The following ACCSL variants were observed in gnomAD, a reference collection of about 807,000 sequenced individuals.
The protein encoded by ACCSL is 1-aminocyclopropane-1-carboxylate synthase homolog (inactive) like.
Under a neutral mutation model 61.7 loss-of-function variants are expected in ACCSL, and 55 were observed. That is an observed-to-expected ratio of 0.89 (90% CI 0.72 to 1.12). The LOEUF is 1.12. ACCSL is among the 50% of genes most tolerant of loss of function. ACCSL has a pLI of 0.00. For missense variants in ACCSL, 632 were observed against 698.0 expected (o/e 0.91, Z 1.07); for synonymous variants, 258 against 264.3 (o/e 0.98, Z 0.23).
chr11:44,005,990 G>T, the ACCSL span, among the ~76,000 whole-genome samples: 2 of 152,212 alleles, frequency 1.3e-5, no homozygotes, highest in African/African-American at 4.8e-5. Context: ...TTTGCAGGGT[G>T]TGTTCCCCAC....
the ACCSL span, among the ~76,000 whole-genome samples, chr11:43,921,739 A>G: frequency 6.6e-6 from 1 of 152,192 alleles, no homozygotes; most frequent in East Asian, 1.9e-4. Context: ...CATGTCTTCC[A>G]GGGAAACATT....
chr11:43,982,641 G>A, the ACCSL span, among the ~76,000 whole-genome samples: 12 of 152,262 alleles, frequency 7.9e-5, no homozygotes, highest in Non-Finnish European at 1.8e-4. Context: ...CGAGTCCCTG[G>A]CACTCTGACC....
chr11:44,017,328 G>T, the ACCSL span, among the ~76,000 whole-genome samples: 22 of 152,200 alleles, frequency 1.4e-4, no homozygotes, highest in Non-Finnish European at 2.9e-5. Flanking sequence ...ACATACAGCT[G>T]TGTAGGTTGT....
At position 44,055,735 on chromosome 11, in the gene ACCSL, T is replaced by C. The variant is rs564801857; in HGVS notation, c.1140-305T>C. On this transcript the variant is annotated intron_variant, in intron 9 of 13. Coordinates refer to ENST00000378832, the MANE Select transcript of ACCSL (RefSeq NM_001031854.2). Reference sequence around the variant, plus strand: ...ATACTCGGGCACGTTCTAGAAATTATGGTGACCCACATCTGAAGAGCCAAC... The same window carrying C: ...ATACTCGGGCACGTTCTAGAAATTACGGTGACCCACATCTGAAGAGCCAAC... 4.6e-5 allele frequency among the ~76,000 whole-genome samples: 7 copies of C among 152,378 alleles called. 1 individual carries two copies. Among genetic ancestry groups the C allele is most frequent in the African/African-American group, 1.7e-4 (7 of 41,598 alleles).
upstream of ACCSL, among the ~76,000 whole-genome samples, chr11:44,044,298 C>T (rs1952587974): frequency 6.6e-6 from 1 of 152,076 alleles, no homozygotes; most frequent in African/African-American, 2.4e-5. Context: ...ATGTGAGACC[C>T]TAGAAGGTAC....
the ACCSL span, among the ~76,000 whole-genome samples, chr11:44,034,583 A>T: frequency 6.6e-6 from 1 of 151,964 alleles, no homozygotes; most frequent in Non-Finnish European, 1.5e-5. Flanking sequence ...GAGAGCTTGT[A>T]CAGGGAAATT....
chr11:43,953,443 C>A, the ACCSL span, among the ~76,000 whole-genome samples: 3 of 151,006 alleles, frequency 2.0e-5, no homozygotes, highest in Non-Finnish European at 4.4e-5. Context: ...ATTGCTTGAA[C>A]CCAGGAGGCG....
At chr11:43,950,674 G>A in the ACCSL span, among the ~76,000 whole-genome samples, 1 of 152,204 alleles carries the variant, frequency 6.6e-6, no homozygotes, top group Non-Finnish European at 1.5e-5. Flanking sequence ...ACAACCCAGC[G>A]GGATGATCAA....
chr11:44,051,613 G>A, intron 4 of ACCSL, 40 bp from the exon 5 acceptor site: 1 of 1,611,868 alleles, frequency 6.2e-7, no homozygotes, highest in South Asian at 1.1e-5. Flanking sequence ...TCTCACATAG[G>A]TATTGGTTTT....
At chr11:44,027,027 C>T in the ACCSL span, among the ~76,000 whole-genome samples, 776 of 152,282 alleles carry the variant, frequency 5.1e-3, 6 homozygotes, top group African/African-American at 0.018. Flanking sequence ...CGCACCCAGC[C>T]GACTAATTCT....
the ACCSL span, among the ~76,000 whole-genome samples, chr11:43,925,895 C>T: frequency 6.6e-6 from 1 of 152,156 alleles, no homozygotes; most frequent in African/African-American, 2.4e-5. Flanking sequence ...CTGACAGTAA[C>T]CCACTTAGTA....
chr11:43,922,692 T>C, the ACCSL span, among the ~76,000 whole-genome samples: 3 of 152,324 alleles, frequency 2.0e-5, no homozygotes, highest in Non-Finnish European at 4.4e-5. Flanking sequence ...CCTTCAGAGA[T>C]ATGAAACTTT....
chr11:43,943,692 G>C, the ACCSL span: 1 of 1,304,426 alleles, frequency 7.7e-7, no homozygotes, highest in Non-Finnish European at 1.0e-6. This position sits in a 1 kb window ranked among gnomAD's most constrained non-coding sequence, Gnocchi z 4.8. Flanking sequence ...CACTCTCGCT[G>C]AACACTTTTA....
At chr11:43,958,871 G>T in the ACCSL span, among the ~76,000 whole-genome samples, 1 of 152,110 alleles carries the variant, frequency 6.6e-6, no homozygotes, top group African/African-American at 2.4e-5. Context: ...GGGTCAACTG[G>T]GGGCTTAGAA....
chr11:44,034,288 A>G, the ACCSL span, among the ~76,000 whole-genome samples: 6 of 152,084 alleles, frequency 3.9e-5, no homozygotes, highest in African/African-American at 1.4e-4. Context: ...GGGACTTGGC[A>G]TTTGTTTTTG....
chr11:43,991,141 C>T, the ACCSL span, among the ~76,000 whole-genome samples: 1 of 152,078 alleles, frequency 6.6e-6, no homozygotes, highest in Non-Finnish European at 1.5e-5. Context: ...TTCATTCACT[C>T]AACAAATATT....
At chr11:43,942,034 GCGT>G in the ACCSL span, among the ~76,000 whole-genome samples, 2 of 18,356 alleles carry the variant, frequency 1.1e-4, no homozygotes, top group African/African-American at 3.2e-4. Context: ...TTGCATTCGT[GCGT>G]GTGTGTGTGT....
At chr11:44,054,933 T>A (rs1378026714) in intron 8 of ACCSL, among the ~76,000 whole-genome samples, 1 of 152,160 alleles carries the variant, frequency 6.6e-6, no homozygotes, top group Non-Finnish European at 1.5e-5. Context: ...TTAGACAAGA[T>A]GTTCTCATAT....
At chr11:44,051,979 A>G (rs574086740) in intron 5 of ACCSL, among the ~76,000 whole-genome samples, 19 of 152,304 alleles carry the variant, frequency 1.2e-4, no homozygotes, top group African/African-American at 4.1e-4. Flanking sequence ...CCTACCTACT[A>G]TGTTCATGGC....
Sources: allele counts gnomAD v4.1 joint callset (sites outside exome capture counted in the v4.1 genomes callset), GRCh38; gene constraint gnomAD v4.1.1; non-coding constraint Gnocchi (gnomAD v3.1); transcripts MANE v1.5; gene names NCBI Gene and HGNC (gene_info 2026-07-23, HGNC 2026-07-21).